MCTP1: variants seen among roughly 807,000 people sequenced by gnomAD.
MCTP1 encodes multiple C2 and transmembrane domain-containing protein 1.
MCTP1 carries 69 observed loss-of-function variants against 120.6 expected under a neutral mutation model. The ratio of observed to expected loss-of-function variants is 0.57; its 90% confidence interval spans 0.47 to 0.70. The LOEUF is 0.70. MCTP1 is among the 30% of genes least tolerant of loss of function. The pLI is 0.00. For synonymous variants in MCTP1, 529 were observed against 493.1 expected (o/e 1.07, Z -0.96); for missense variants, 1,203 against 1,248.8 (o/e 0.96, Z 0.55).
In MCTP1 at chr5:94,842,029, C is replaced by T. The variant is rs1299572318; in HGVS notation, c.2436+26304G>A. ...AGCACTCTCTGCACATTGAAAAGTT[C>T]CCACCAACACCCCACCACACACCAG... On this transcript the variant is annotated intron_variant, in intron 17 of 22. Transcript: ENST00000515393. 5.3e-5 allele frequency among the ~76,000 whole-genome samples: 8 copies of T among 152,250 alleles called. No individual in the cohort carries two copies. The East Asian group carries it at 1.5e-3, about 29-fold the overall frequency.
chr5:95,248,789 C>T (rs1238423482), intron 1 of MCTP1, among the ~76,000 whole-genome samples: 2 of 152,134 alleles, frequency 1.3e-5, no homozygotes, highest in Non-Finnish European at 2.9e-5. Context: ...GCTACAGTAA[C>T]CAAAACAGGA....
At position 94,932,004 on chromosome 5, in the gene MCTP1, T is replaced by G. The variant is rs763924723; in HGVS notation, c.1174-13A>C. The G allele has an allele frequency of 6.3e-7, 1 of 1,576,034 alleles. No homozygotes were observed. Among genetic ancestry groups the G allele is most frequent in the East Asian group, 2.2e-5 (1 of 44,596 alleles). Reference sequence around the variant, plus strand: ...TCATTAGCATTGTCTGTAAATAAAATAAAGCATTTTCATTATCTTTTCACT... The same window carrying G: ...TCATTAGCATTGTCTGTAAATAAAAGAAAGCATTTTCATTATCTTTTCACT... On this transcript the variant is annotated splice_polypyrimidine_tract_variant and intron_variant, in intron 5 of 22. Transcript: ENST00000515393.
At chr5:95,210,156 T>C (rs556049577) in intron 1 of MCTP1, among the ~76,000 whole-genome samples, 1,828 of 152,226 alleles carry the variant, frequency 0.012, 30 homozygotes, top group African/African-American at 0.041. Flanking sequence ...ATTCTGTTGA[T>C]TTGGGGTGGA....
intron 1 of MCTP1, among the ~76,000 whole-genome samples, chr5:95,213,279 T>A (rs1486573483): frequency 6.6e-6 from 1 of 151,862 alleles, no homozygotes; most frequent in Non-Finnish European, 1.5e-5. Flanking sequence ...TCAAAGAGAA[T>A]AAAATACCTA....
chr5:94,959,834 G>A (rs1044214350), intron 2 of MCTP1, among the ~76,000 whole-genome samples: 2 of 152,148 alleles, frequency 1.3e-5, no homozygotes, highest in South Asian at 4.1e-4. Context: ...CGTGAAAATG[G>A]CCATACTGCC....
intron 1 of MCTP1, among the ~76,000 whole-genome samples, chr5:95,173,304 A>G (rs251076): frequency 0.39 from 59,734 of 152,064 alleles, 14,252 homozygotes; most frequent in Non-Finnish European, 0.53. Context: ...TCAAATTGCA[A>G]GAACTAAATT....
intron 17 of MCTP1, chr5:94,826,462 C>T (rs527362208): frequency 1.8e-4 from 123 of 686,660 alleles, no homozygotes; most frequent in Middle Eastern, 1.2e-3. Flanking sequence ...ACAGAAGTGG[C>T]CAGCTTTTCT....
chr5:94,994,644 C>A (rs950950861), intron 2 of MCTP1, among the ~76,000 whole-genome samples: 1 of 152,050 alleles, frequency 6.6e-6, no homozygotes, highest in African/African-American at 2.4e-5. Context: ...TACTGAGTGT[C>A]GACTTGATTT....
chr5:95,258,940 G>T (rs988618862), intron 1 of MCTP1, among the ~76,000 whole-genome samples: 14 of 152,152 alleles, frequency 9.2e-5, no homozygotes, highest in African/African-American at 3.1e-4. Context: ...TAAGGCTGGT[G>T]ACCTTGTAGC....
intron 1 of MCTP1, among the ~76,000 whole-genome samples, chr5:95,051,949 G>C (rs1301873479): frequency 6.6e-6 from 1 of 151,678 alleles, no homozygotes; most frequent in Non-Finnish European, 1.5e-5. Context: ...TTATTACTGG[G>C]GTCACAAAAT....
At chr5:95,251,176 A>T (rs1757347901) in intron 1 of MCTP1, among the ~76,000 whole-genome samples, 1 of 152,052 alleles carries the variant, frequency 6.6e-6, no homozygotes, top group South Asian at 2.1e-4. Flanking sequence ...CTTCTATGAG[A>T]AGGGGTTACT....
chr5:95,014,534 G>A (rs2153663045), intron 2 of MCTP1, among the ~76,000 whole-genome samples: 1 of 152,250 alleles, frequency 6.6e-6, no homozygotes, highest in Non-Finnish European at 1.5e-5. Flanking sequence ...AGCAGAGAAA[G>A]TGGTTTCTTG....
At chr5:95,121,277 CAAAAA>C (rs34423597) in intron 1 of MCTP1, among the ~76,000 whole-genome samples, 1 of 35,066 alleles carries the variant, frequency 2.9e-5, no homozygotes, top group African/African-American at 1.4e-4. Context: ...GACTCCATCA[CAAAAA>C]AAAAAAAAAA....
intron 1 of MCTP1, among the ~76,000 whole-genome samples, chr5:95,058,553 C>T (rs17084401): frequency 0.079 from 12,028 of 152,138 alleles, 935 homozygotes; most frequent in African/African-American, 0.2. Flanking sequence ...AGAACTGTTA[C>T]GGGGTTCAAA....
chr5:94,749,613 C>CCACTG (rs1027781259), intron 19 of MCTP1, among the ~76,000 whole-genome samples: 9 of 132,610 alleles, frequency 6.8e-5, no homozygotes, highest in African/African-American at 2.3e-4. Flanking sequence ...TGACATCGTG[C>CCACTG]CACTGCACTC....
chr5:95,269,951 T>G (rs1562291957), intron 1 of MCTP1, among the ~76,000 whole-genome samples: 1 of 152,208 alleles, frequency 6.6e-6, no homozygotes, highest in African/African-American at 2.4e-5. Flanking sequence ...GAGATAGATA[T>G]ATTTCGTTTA....
At chr5:95,250,555 T>C (rs1373199113) in intron 1 of MCTP1, among the ~76,000 whole-genome samples, 6 of 152,166 alleles carry the variant, frequency 3.9e-5, no homozygotes, top group Non-Finnish European at 8.8e-5. Context: ...GTCAGGCTGA[T>C]ATAAGTTTGA....
chr5:94,816,566 T>C (rs932620866), intron 17 of MCTP1, among the ~76,000 whole-genome samples: 2 of 152,148 alleles, frequency 1.3e-5, no homozygotes, highest in Admixed American at 6.5e-5. Context: ...AGAATAATTA[T>C]AACTAAGCAT....
At chr5:95,192,628 CAG>C (rs957078947) in intron 1 of MCTP1, among the ~76,000 whole-genome samples, 3 of 151,962 alleles carry the variant, frequency 2.0e-5, no homozygotes, top group African/African-American at 7.2e-5. Flanking sequence ...TAAAACTTAA[CAG>C]AAATTGACAA....
Sources: gnomAD v4.1 joint callset for allele counts (sites outside exome capture counted in the v4.1 genomes callset) on GRCh38, gnomAD v4.1.1 for gene constraint, MANE v1.5 for transcripts, NCBI Gene and HGNC (gene_info 2026-07-23, HGNC 2026-07-21) for gene names.